NKAIN2: variants seen among roughly 807,000 people sequenced by gnomAD.
NKAIN2 encodes sodium/potassium-transporting ATPase subunit beta-1-interacting protein 2.
NKAIN2 carries 14 observed loss-of-function variants against 32.6 expected under a neutral mutation model. The observed-to-expected ratio is 0.43, with a 90% CI of 0.28 to 0.67. The LOEUF is 0.67. Among genes scored for constraint, NKAIN2 ranks in the 30% least tolerant of loss-of-function variants. The pLI, the probability that NKAIN2 is intolerant of heterozygous loss-of-function variation, is 0.17. For missense variants in NKAIN2, 198 were observed against 258.3 expected (o/e 0.77, Z 1.60); for synonymous variants, 80 against 87.2 (o/e 0.92, Z 0.46).
chr6:124,406,302 G>A (rs1773858680), intron 3 of NKAIN2, among the ~76,000 whole-genome samples: 1 of 151,240 alleles, frequency 6.6e-6, no homozygotes, highest in African/African-American at 2.4e-5. Context: ...AAACTAGTTT[G>A]CATTATTTTA....
chr6:124,565,754 T>C (rs1780887057), intron 3 of NKAIN2, among the ~76,000 whole-genome samples: 1 of 152,200 alleles, frequency 6.6e-6, no homozygotes, highest in African/African-American at 2.4e-5. Context: ...ATCGTTCTAA[T>C]AATGGCTGGA....
chr6:124,601,394 C>T (rs1308712112), intron 3 of NKAIN2, among the ~76,000 whole-genome samples: 2 of 152,054 alleles, frequency 1.3e-5, no homozygotes, highest in African/African-American at 4.8e-5. Flanking sequence ...ACTGGATTAG[C>T]AAGTCAGCTC....
chr6:124,786,846 A>T (rs932189607), intron 4 of NKAIN2, among the ~76,000 whole-genome samples: 1 of 152,168 alleles, frequency 6.6e-6, no homozygotes, highest in African/African-American at 2.4e-5. Flanking sequence ...GGAACAAAAT[A>T]AAATTATTTT....
chr6:124,153,808 A>G (rs148218589), intron 1 of NKAIN2, among the ~76,000 whole-genome samples: 1,563 of 151,726 alleles, frequency 0.01, 22 homozygotes, highest in South Asian at 0.041. Context: ...TTTATGCTTT[A>G]TATTTATTTT....
At chr6:123,936,907 A>T (rs1562266402) in intron 1 of NKAIN2, among the ~76,000 whole-genome samples, 2 of 152,106 alleles carry the variant, frequency 1.3e-5, no homozygotes, top group Admixed American at 6.6e-5. Flanking sequence ...GTGAAATGTA[A>T]ACCTCTTCAA....
At chr6:124,771,402 G>A (rs1432555854) in intron 4 of NKAIN2, among the ~76,000 whole-genome samples, 1 of 152,086 alleles carries the variant, frequency 6.6e-6, no homozygotes, top group African/African-American at 2.4e-5. Context: ...GTTTTCCTAG[G>A]ATATGTCTTT....
At chr6:124,087,802 G>C (rs2114921083) in intron 1 of NKAIN2, among the ~76,000 whole-genome samples, 1 of 152,104 alleles carries the variant, frequency 6.6e-6, no homozygotes, top group South Asian at 2.1e-4. Context: ...ATTAGCAGCG[G>C]TAGACATGGA....
At chr6:124,645,522 G>T (rs149801499) in intron 3 of NKAIN2, among the ~76,000 whole-genome samples, 3 of 152,164 alleles carry the variant, frequency 2.0e-5, no homozygotes, top group African/African-American at 7.2e-5. Context: ...AAATGCTGTG[G>T]TTTGGTGCCT....
intron 1 of NKAIN2, among the ~76,000 whole-genome samples, chr6:123,917,240 GT>G (rs753108575): frequency 0.018 from 2,686 of 145,892 alleles, 85 homozygotes; most frequent in African/African-American, 0.061. Flanking sequence ...GATTTTATCT[GT>G]TTTTTTTTTT....
chr6:124,357,956 T>C (rs1799068902), intron 3 of NKAIN2, among the ~76,000 whole-genome samples: 1 of 152,156 alleles, frequency 6.6e-6, no homozygotes, highest in Admixed American at 6.5e-5. Flanking sequence ...CCCCTGTGTG[T>C]GATGTTCCCC....
intron 3 of NKAIN2, among the ~76,000 whole-genome samples, chr6:124,401,275 T>C (rs1434982652): frequency 2.6e-5 from 4 of 152,064 alleles, no homozygotes; most frequent in Non-Finnish European, 4.4e-5. Flanking sequence ...AATGACATTT[T>C]CCCCCCAATT....
chr6:124,324,285 A>AT (rs1198782738), intron 2 of NKAIN2, among the ~76,000 whole-genome samples: 8 of 152,094 alleles, frequency 5.3e-5, no homozygotes, highest in African/African-American at 1.9e-4. Flanking sequence ...GATTTCTTTC[A>AT]TAAGTGTTTT....
intron 6 of NKAIN2, among the ~76,000 whole-genome samples, chr6:124,821,142 A>G (rs1049727496): frequency 1.3e-5 from 2 of 152,008 alleles, no homozygotes; most frequent in Admixed American, 1.3e-4. Flanking sequence ...TAAAAATACA[A>G]AAATTAGCCA....
At chr6:124,416,343 C>T (rs1420360180) in intron 3 of NKAIN2, among the ~76,000 whole-genome samples, 1 of 152,128 alleles carries the variant, frequency 6.6e-6, no homozygotes, top group Non-Finnish European at 1.5e-5. Flanking sequence ...TTCAGTAGCA[C>T]CTTATTAAAG....
chr6:124,480,842 G>A (rs1313033220), intron 3 of NKAIN2, among the ~76,000 whole-genome samples: 2 of 152,212 alleles, frequency 1.3e-5, no homozygotes, highest in Non-Finnish European at 2.9e-5. Flanking sequence ...CTGAAACTCA[G>A]TAACTTCAGG....
At chr6:124,182,895 CT>C (rs1789518613) in intron 1 of NKAIN2, among the ~76,000 whole-genome samples, 1 of 152,102 alleles carries the variant, frequency 6.6e-6, no homozygotes. Flanking sequence ...TATGTTCCTA[CT>C]GTTTTCAAAC....
At chr6:124,638,644 T>G (rs1345086165) in intron 3 of NKAIN2, among the ~76,000 whole-genome samples, 2 of 151,806 alleles carry the variant, frequency 1.3e-5, no homozygotes, top group African/African-American at 4.8e-5. Context: ...GCCTGTAATC[T>G]CAGCACTTTG....
intron 1 of NKAIN2, among the ~76,000 whole-genome samples, chr6:123,914,219 G>T (rs1043280903): frequency 6.6e-6 from 1 of 151,626 alleles, no homozygotes; most frequent in Non-Finnish European, 1.5e-5. Context: ...TATGACGAGA[G>T]AGAGAGAGAC....
chr6:124,238,283 A>C (rs193101757), intron 1 of NKAIN2, among the ~76,000 whole-genome samples: 66 of 152,218 alleles, frequency 4.3e-4, no homozygotes, highest in African/African-American at 1.5e-3. Context: ...TTAAGAATAA[A>C]AGAAACATTA....
Sources: gnomAD v4.1 joint callset for allele counts (sites outside exome capture counted in the v4.1 genomes callset) on GRCh38, gnomAD v4.1.1 for gene constraint, MANE v1.5 for transcripts, NCBI Gene and HGNC (gene_info 2026-07-23, HGNC 2026-07-21) for gene names.